Variants in BBS9 observed in about 807,000 individuals in gnomAD.
BBS9 encodes the protein Bardet-Biedl syndrome 9.
In BBS9, 89 loss-of-function variants were observed where a neutral mutation model predicts 117.7. That is an observed-to-expected ratio of 0.76 (90% CI 0.64 to 0.90). BBS9 has a LOEUF of 0.90. Ranked by LOEUF, BBS9 falls within the 40% of genes least tolerant of loss-of-function variation. The pLI, the probability that BBS9 is intolerant of heterozygous loss-of-function variation, is 0.00. For missense variants in BBS9, 982 were observed against 1,042.2 expected, an observed-to-expected ratio of 0.94 and a Z score of 0.80; for synonymous variants, 379 against 370.9, an observed-to-expected ratio of 1.02 and a Z score of -0.25.
At chr7:33,603,598 A>AC (rs1864133582) in intron 21 of BBS9, among the ~76,000 whole-genome samples, 1 of 152,182 alleles carries the variant, frequency 6.6e-6, no homozygotes, top group Non-Finnish European at 1.5e-5. Context: ...TAACCCTTAG[A>AC]AAGTACTCAA....
chr7:33,369,324 A>AT (rs1822419550), intron 17 of BBS9, among the ~76,000 whole-genome samples: 1 of 152,162 alleles, frequency 6.6e-6, no homozygotes, highest in South Asian at 2.1e-4. Flanking sequence ...AAAGGCAAAA[A>AT]TTTTTGCAAA....
intron 17 of BBS9, among the ~76,000 whole-genome samples, chr7:33,376,654 C>T (rs1481764482): frequency 6.6e-6 from 1 of 152,168 alleles, no homozygotes; most frequent in Non-Finnish European, 1.5e-5. Flanking sequence ...ATTTACACCC[C>T]CACCAGCAGT....
intron 13 of BBS9, among the ~76,000 whole-genome samples, chr7:33,350,485 A>G (rs1818432962): frequency 1.3e-5 from 2 of 152,216 alleles, no homozygotes; most frequent in Admixed American, 6.5e-5. Context: ...ATATGTTAAC[A>G]TAGATGAGCA....
chr7:33,130,773 G>T (rs1014733660), intron 1 of BBS9, among the ~76,000 whole-genome samples: 8 of 151,614 alleles, frequency 5.3e-5, no homozygotes, highest in African/African-American at 1.9e-4. Context: ...TTTTAAAGAA[G>T]AATTTTAAAA....
intron 21 of BBS9, among the ~76,000 whole-genome samples, chr7:33,613,999 A>G (rs116017577): frequency 6.2e-4 from 95 of 152,224 alleles, no homozygotes; most frequent in African/African-American, 1.7e-3. Flanking sequence ...AGTTGACACA[A>G]CTAAATGCTG....
intron 5 of BBS9, among the ~76,000 whole-genome samples, chr7:33,210,812 G>T (rs1338647374): frequency 6.6e-6 from 1 of 152,056 alleles, no homozygotes; most frequent in Non-Finnish European, 1.5e-5. Flanking sequence ...ATGAGCCACC[G>T]AGCCCAGCCA....
intron 5 of BBS9, among the ~76,000 whole-genome samples, chr7:33,252,028 G>A (rs1242670340): frequency 1.3e-5 from 2 of 152,138 alleles, no homozygotes; most frequent in African/African-American, 2.4e-5. Flanking sequence ...GCTGGCATCT[G>A]CTTGGCTTCT....
chr7:33,612,655 T>C (rs932494258), intron 21 of BBS9, among the ~76,000 whole-genome samples: 11 of 152,060 alleles, frequency 7.2e-5, no homozygotes, highest in Non-Finnish European at 1.0e-4. Flanking sequence ...TTATCTTCTA[T>C]TGTGTAGTCT....
chr7:33,559,583 C>T (rs1002120461), intron 21 of BBS9, among the ~76,000 whole-genome samples: 21 of 152,142 alleles, frequency 1.4e-4, no homozygotes, highest in Non-Finnish European at 2.4e-4. Flanking sequence ...GGTAATTACT[C>T]GCATGTTCAC....
At position 33,487,569 on chromosome 7, in the gene BBS9, A is replaced by G. The variant is rs147543437; in HGVS notation, c.2116-17894A>G. ...TGATTTGCCTGAGGTAAACAGCACA[A>G]TTCAAACTATTGAGTCAAAGGCCTG... On this transcript the variant is annotated intron_variant, in intron 19 of 22. Coordinates refer to ENST00000242067, the MANE Select transcript of BBS9 (RefSeq NM_198428.3). Among the ~76,000 whole-genome samples the G allele has an allele frequency of 3.2e-3, 480 of 152,334 alleles. 2 individuals carry two copies. The highest frequency in any genetic ancestry group is 0.011 in the African/African-American group (468 of 41,574).
At chr7:33,137,118 G>C (rs1790608453) in intron 1 of BBS9, among the ~76,000 whole-genome samples, 2 of 152,064 alleles carry the variant, frequency 1.3e-5, no homozygotes, top group African/African-American at 4.8e-5. Context: ...TTCCTGTGCT[G>C]TCGGTGCCCA....
chr7:33,352,763 A>T, intron 14 of BBS9, 96 bp from the exon 15 acceptor site: 1 of 1,358,738 alleles, frequency 7.4e-7, no homozygotes, highest in Non-Finnish European at 1.1e-6. Flanking sequence ...TTGTATTTTA[A>T]GCAGATATGT....
Position 33,505,634 on chromosome 7 carries a change from A to G in BBS9, c.2287A>G (p.Thr763Ala). The change falls in exon 20 of 23, where the codon ACT becomes GCT. Residue 763 changes from threonine to alanine, a missense_variant. Coordinates refer to ENST00000242067, the MANE Select transcript of BBS9 (RefSeq NM_198428.3). ...EAAFLPLQED[T>A]QELGWEETVD... ...GGCATTTCTGCCGCTACAAGAAGAC[A>G]CTCAAGAATTGGTAAGGACCTGAAA... is the stretch of plus-strand genomic sequence containing the variant. 1 of 1,613,568 alleles carries G rather than the reference A, an allele frequency of 6.2e-7. No individual in the cohort carries two copies. Among genetic ancestry groups the G allele is most frequent in the Non-Finnish European group, 8.5e-7 (1 of 1,179,936 alleles).
At chr7:33,318,551 T>C (rs1418413640) in intron 9 of BBS9, among the ~76,000 whole-genome samples, 1 of 152,164 alleles carries the variant, frequency 6.6e-6, no homozygotes, top group Admixed American at 6.5e-5. Flanking sequence ...CTGGCTACTT[T>C]ACTTTTTAAA....
chr7:33,594,254 T>A (rs1460016567), intron 21 of BBS9, among the ~76,000 whole-genome samples: 1 of 152,160 alleles, frequency 6.6e-6, no homozygotes, highest in East Asian at 1.9e-4. Flanking sequence ...CATGGGTACA[T>A]GCATAGTCTT....
intron 19 of BBS9, among the ~76,000 whole-genome samples, chr7:33,493,150 A>G (rs1159694616): frequency 6.6e-6 from 1 of 152,070 alleles, no homozygotes; most frequent in African/African-American, 2.4e-5. Context: ...ATGAGCCACT[A>G]TGCCCGGCTA....
chr7:33,192,357 T>A (rs1784265570), intron 5 of BBS9, among the ~76,000 whole-genome samples: 1 of 152,212 alleles, frequency 6.6e-6, no homozygotes, highest in African/African-American at 2.4e-5. Flanking sequence ...AAGTGGCATA[T>A]TATAAGATAT....
intron 21 of BBS9, among the ~76,000 whole-genome samples, chr7:33,565,035 A>T (rs900727049): frequency 6.6e-6 from 1 of 152,152 alleles, no homozygotes; most frequent in Non-Finnish European, 1.5e-5. Context: ...TAAAATCTAG[A>T]TTCTACTTAC....
intron 21 of BBS9, among the ~76,000 whole-genome samples, chr7:33,602,173 C>T (rs1863891109): frequency 6.6e-6 from 1 of 151,008 alleles, no homozygotes; most frequent in Non-Finnish European, 1.5e-5. Context: ...TGCCTCTTTC[C>T]AAGAGCCATG....
Sources: allele counts gnomAD v4.1 joint callset (sites outside exome capture counted in the v4.1 genomes callset), GRCh38; gene constraint gnomAD v4.1.1; transcripts MANE v1.5; gene names NCBI Gene and HGNC (gene_info 2026-07-23, HGNC 2026-07-21).